Variants in RPA3 observed in about 807,000 individuals in gnomAD.
RPA3 encodes the protein replication protein A3.
In RPA3, 24 loss-of-function variants were observed where a neutral mutation model predicts 13.7. That is an observed-to-expected ratio of 1.75 (90% confidence interval 1.27 to 2.46). The LOEUF (loss-of-function observed/expected upper bound fraction) is 2.46, where lower values mean the gene tolerates loss of function less well. Ranked by LOEUF, RPA3 falls within the 30% of genes most tolerant of loss-of-function variation. The probability of loss-of-function intolerance (pLI) is 0.00; values close to 1 mark genes in which losing one functional copy is unlikely to be tolerated. For synonymous variants in RPA3, 59 were observed against 51.2 expected, an observed-to-expected ratio of 1.15 and a Z score of -0.65; for missense variants, 183 against 151.0, an observed-to-expected ratio of 1.21 and a Z score of -1.11.
chr7:7,677,173 G>T (rs1325883341), intron 4 of RPA3, among the ~76,000 whole-genome samples: 1 of 151,956 alleles, frequency 6.6e-6, no homozygotes, highest in African/African-American at 2.4e-5. Flanking sequence ...TTTGACACAG[G>T]CATATAATGT....
At chr7:7,698,778 A>C (rs1780378074) in intron 2 of RPA3, among the ~76,000 whole-genome samples, 1 of 152,078 alleles carries the variant, frequency 6.6e-6, no homozygotes. Context: ...ATCTTGTCTT[A>C]AGATGAATTC....
At chr7:7,681,058 A>T (rs1476237672) in intron 4 of RPA3, among the ~76,000 whole-genome samples, 2 of 152,086 alleles carry the variant, frequency 1.3e-5, no homozygotes, top group Non-Finnish European at 2.9e-5. Flanking sequence ...GTGTTTGTTG[A>T]TGTCTAAATG....
intron 4 of RPA3, among the ~76,000 whole-genome samples, chr7:7,652,965 T>C (rs563888446): frequency 6.6e-6 from 1 of 152,344 alleles, no homozygotes; most frequent in African/African-American, 2.4e-5. Context: ...TACTGAATAA[T>C]GTTTTATTTA....
intron 2 of RPA3, among the ~76,000 whole-genome samples, chr7:7,694,318 C>T (rs1780253718): frequency 6.6e-6 from 1 of 151,982 alleles, no homozygotes; most frequent in South Asian, 2.1e-4. Context: ...ATATAATAAT[C>T]ACATCAGGGT....
Position 7,668,354 on chromosome 7 carries a change from G to T in RPA3, c.-758+17476C>A, listed in dbSNP as rs572771599. On this transcript the variant is annotated intron_variant, in intron 4 of 7. Coordinates refer to ENST00000223129, the MANE Select transcript of RPA3 (RefSeq NM_002947.5). ...TTTTTTACTGTTTCAGTTACTTATG[G>T]CAACTAAGTAAAAAAATTTATGAGT... Among the ~76,000 whole-genome samples, 28 of 152,086 alleles carry T rather than the reference G, an allele frequency of 1.8e-4. No homozygotes were observed. In the South Asian group the frequency reaches 3.9e-3, roughly 21 times the overall value.
At chr7:7,673,331 CAG>C in intron 4 of RPA3, 5 of 1,187,212 alleles carry the variant, frequency 4.2e-6, no homozygotes, top group Non-Finnish European at 6.0e-6. Context: ...GCAGCAGCAG[CAG>C]CAGCAGCAGC....
intron 2 of RPA3, among the ~76,000 whole-genome samples, chr7:7,700,246 A>G (rs1419243375): frequency 6.6e-6 from 1 of 152,140 alleles, no homozygotes; most frequent in African/African-American, 2.4e-5. Context: ...CACATGTTGG[A>G]AGGGTCAGGG....
At chr7:7,714,980 A>G (rs1780860921) in intron 2 of RPA3, among the ~76,000 whole-genome samples, 195 bp downstream of exon 2, 1 of 152,026 alleles carries the variant, frequency 6.6e-6, no homozygotes, top group Non-Finnish European at 1.5e-5. Flanking sequence ...ACTACAGAGG[A>G]ATTACAGTTG....
chr7:7,709,740 C>G (rs1422622052), intron 2 of RPA3, among the ~76,000 whole-genome samples: 1 of 151,674 alleles, frequency 6.6e-6, no homozygotes, highest in South Asian at 2.1e-4. Flanking sequence ...ATTCTTAGCT[C>G]TTGCTTATGC....
chr7:7,671,763 C>T (rs1313284722), intron 4 of RPA3, among the ~76,000 whole-genome samples: 2 of 151,840 alleles, frequency 1.3e-5, no homozygotes, highest in Non-Finnish European at 2.9e-5. Flanking sequence ...CATTAGAGGC[C>T]ATCTCTCCTT....
intron 2 of RPA3, among the ~76,000 whole-genome samples, chr7:7,695,979 C>T (rs945090023): frequency 7.5e-6 from 1 of 133,478 alleles, no homozygotes; most frequent in Non-Finnish European, 1.6e-5. Flanking sequence ...GTGTATATCT[C>T]CGTTTTTTTT....
chr7:7,667,923 C>T (rs1417175847), intron 4 of RPA3, among the ~76,000 whole-genome samples: 1 of 152,008 alleles, frequency 6.6e-6, no homozygotes, highest in Non-Finnish European at 1.5e-5. Context: ...TAGTTTTTCA[C>T]TTCAGTTCTT....
chr7:7,708,108 CCTT>C (rs1395030349), intron 2 of RPA3, among the ~76,000 whole-genome samples: 7 of 152,258 alleles, frequency 4.6e-5, no homozygotes, highest in Admixed American at 4.6e-4. Context: ...TTCATTAAGA[CCTT>C]ATTCAAATTT....
intron 5 of RPA3, 174 bp downstream of exon 5, chr7:7,640,146 C>G (rs796940637): frequency 3.0e-6 from 2 of 659,034 alleles, no homozygotes; most frequent in South Asian, 1.7e-5. Context: ...CATAAAAGAG[C>G]GCCAAAATGG....
chr7:7,646,480 ATTTTTTTTTTT>A (rs35948027), intron 4 of RPA3, among the ~76,000 whole-genome samples: 2 of 111,360 alleles, frequency 1.8e-5, no homozygotes, highest in African/African-American at 3.6e-5. Flanking sequence ...CTTTCGCTGG[ATTTTTTTTTTT>A]TTTTTTTTTT....
intron 4 of RPA3, among the ~76,000 whole-genome samples, chr7:7,648,713 T>C (rs1785152653): frequency 6.6e-6 from 1 of 151,508 alleles, no homozygotes; most frequent in African/African-American, 2.4e-5. Flanking sequence ...TAGCTGGCCA[T>C]GGTGGTGTGT....
intron 2 of RPA3, among the ~76,000 whole-genome samples, chr7:7,713,397 A>G (rs1780814545): frequency 6.7e-6 from 1 of 149,148 alleles, no homozygotes; most frequent in African/African-American, 2.5e-5. Context: ...TTATAGACAG[A>G]GTTTTTTTTT....
chr7:7,643,876 G>A (rs1443989472), intron 4 of RPA3, among the ~76,000 whole-genome samples: 1 of 151,922 alleles, frequency 6.6e-6, no homozygotes, highest in Non-Finnish European at 1.5e-5. Context: ...TCCTGCTCTG[G>A]AACTTGCCTG....
At chr7:7,667,534 G>T (rs919084829) in intron 4 of RPA3, among the ~76,000 whole-genome samples, 2 of 152,072 alleles carry the variant, frequency 1.3e-5, no homozygotes, top group African/African-American at 4.8e-5. Flanking sequence ...TTCCCTAAAT[G>T]TAAGTTCACT....
Sources: allele counts gnomAD v4.1 joint callset (sites outside exome capture counted in the v4.1 genomes callset), GRCh38; gene constraint gnomAD v4.1.1; transcripts MANE v1.5; gene names NCBI Gene and HGNC (gene_info 2026-07-23, HGNC 2026-07-21).